Variants in RBPJ observed in about 807,000 individuals in gnomAD.
The protein encoded by RBPJ is recombining binding protein suppressor of hairless.
Under a neutral mutation model 67.8 loss-of-function variants are expected in RBPJ, and 9 were observed. The ratio of observed to expected loss-of-function variants is 0.13; its 90% CI spans 0.08 to 0.23. The LOEUF (loss-of-function observed/expected upper bound fraction) is 0.23. Among genes scored for constraint, RBPJ ranks in the 10% least tolerant of loss-of-function variants. RBPJ has a pLI of 1.00. For missense variants in RBPJ, 305 were observed against 595.6 expected (o/e 0.51, Z 5.08); for synonymous variants, 198 against 203.3 (o/e 0.97, Z 0.22).
At chr4:26,203,696 C>A (rs1310072550) in intron 1 of RBPJ, among the ~76,000 whole-genome samples, 1 of 152,206 alleles carries the variant, frequency 6.6e-6, no homozygotes, top group Non-Finnish European at 1.5e-5. Flanking sequence ...TAGCTGCCAG[C>A]AGACCCACCA....
At chr4:26,337,130 T>G (rs1724928764) in intron 1 of RBPJ, among the ~76,000 whole-genome samples, 1 of 141,916 alleles carries the variant, frequency 7.0e-6, no homozygotes, top group African/African-American at 2.6e-5. Context: ...CCCAGCTAAT[T>G]TTTTTTTTTT....
upstream of RBPJ, among the ~76,000 whole-genome samples, chr4:26,318,600 A>G (rs1336827501): frequency 6.6e-6 from 1 of 152,252 alleles, no homozygotes; most frequent in Non-Finnish European, 1.5e-5. Flanking sequence ...AAACGGGAGC[A>G]AGAATCTATA....
intron 1 of RBPJ, among the ~76,000 whole-genome samples, chr4:26,351,292 C>T (rs891090067): frequency 1.3e-5 from 2 of 152,082 alleles, no homozygotes; most frequent in African/African-American, 4.8e-5. Context: ...ATTAGGGAGT[C>T]CTGAAGGCAA....
upstream of RBPJ, among the ~76,000 whole-genome samples, chr4:26,315,119 TG>T (rs1722558079): frequency 8.8e-6 from 1 of 113,306 alleles, no homozygotes; most frequent in Non-Finnish European, 1.6e-5. Context: ...CACACCAGCC[TG>T]GGTGACAGAG....
intron 1 of RBPJ, among the ~76,000 whole-genome samples, chr4:26,276,926 G>A (rs1382966759): frequency 1.3e-5 from 2 of 152,000 alleles, no homozygotes; most frequent in East Asian, 3.9e-4. Context: ...ATTTATTCTG[G>A]CTAGATGATA....
At chr4:26,210,662 T>TTC (rs1718353698) in intron 1 of RBPJ, among the ~76,000 whole-genome samples, 1 of 30,010 alleles carries the variant, frequency 3.3e-5, no homozygotes, top group South Asian at 1.0e-3. Flanking sequence ...TTTCTTTCTT[T>TTC]TTTCTTTCTT....
intron 1 of RBPJ, among the ~76,000 whole-genome samples, chr4:26,205,311 GCA>G (rs1490137247): frequency 6.6e-6 from 1 of 152,182 alleles, no homozygotes; most frequent in Non-Finnish European, 1.5e-5. Flanking sequence ...CTCACCCTCT[GCA>G]CAGTGTAGAA....
At chr4:26,347,317 A>G (rs967840692) in intron 1 of RBPJ, among the ~76,000 whole-genome samples, 87 of 152,320 alleles carry the variant, frequency 5.7e-4, no homozygotes, top group African/African-American at 2.0e-3. Flanking sequence ...GGAGTGGGCA[A>G]TATCTCTTGG....
chr4:26,124,649 T>A, the RBPJ span, among the ~76,000 whole-genome samples: 1 of 151,824 alleles, frequency 6.6e-6, no homozygotes, highest in East Asian at 1.9e-4. Flanking sequence ...TCTAGTTCTT[T>A]AAGGAATCTC....
intron 1 of RBPJ, chr4:26,384,379 T>C (rs1730601674): frequency 6.6e-6 from 1 of 152,200 alleles, no homozygotes. Flanking sequence ...ATGAACAAAA[T>C]GAACTAAATG....
chr4:26,216,663 C>A (rs896859758), intron 1 of RBPJ, among the ~76,000 whole-genome samples: 1 of 151,962 alleles, frequency 6.6e-6, no homozygotes, highest in Non-Finnish European at 1.5e-5. Context: ...GCTTGTAATC[C>A]CAGCATTTTG....
rs535547805 is a variant in RBPJ at position 26,389,099 on chromosome 4, C to T, written c.59+2708C>T. ...AAAAAGTTAGCCAGGAGTTGTGGCA[C>T]GTGCCTGTAGTCCCAGCTTCTTGGG... On this transcript the variant is annotated intron_variant, in intron 2 of 10. Coordinates refer to ENST00000355476, the MANE Select transcript of RBPJ (RefSeq NM_015874.6). Among the ~76,000 whole-genome samples the T allele has an allele frequency of 7.3e-5, 11 of 151,698 alleles. 1 individual carries two copies. Among genetic ancestry groups the T allele is most frequent in the Admixed American group, 5.3e-4 (8 of 15,234 alleles).
At position 26,287,377 on chromosome 4, in the gene RBPJ, CA is replaced by C. The variant is rs924266732; in HGVS notation, c.-166-75062del. Among the ~76,000 whole-genome samples the C allele has an allele frequency of 1.1e-3, 172 of 150,858 alleles. 2 individuals carry two copies. The highest frequency in any genetic ancestry group is 2.2e-3 in the Non-Finnish European group (148 of 67,724). Reference sequence around the variant, plus strand: ...CAGCATAGCGAGACCCCATCTCTAGCAAAAAAAGTAAAAAATATAATAACAA... The same window carrying C: ...CAGCATAGCGAGACCCCATCTCTAGCAAAAAAGTAAAAAATATAATAACAA... On this transcript the variant is annotated intron_variant, in intron 1 of 4. Coordinates refer to the RBPJ transcript ENST00000512351.
chr4:26,257,073 T>G (rs1363391076), intron 1 of RBPJ, among the ~76,000 whole-genome samples: 2 of 152,244 alleles, frequency 1.3e-5, no homozygotes, highest in Non-Finnish European at 2.9e-5. Flanking sequence ...ATAGTATTCA[T>G]TGTTACGTTG....
intron 1 of RBPJ, among the ~76,000 whole-genome samples, chr4:26,271,490 G>A (rs529965935): frequency 6.6e-6 from 1 of 152,190 alleles, no homozygotes; most frequent in South Asian, 2.1e-4. Flanking sequence ...GGCAAAGTCT[G>A]TCTGGCTATG....
At chr4:26,109,267 A>AT in the RBPJ span, among the ~76,000 whole-genome samples, 1 of 150,648 alleles carries the variant, frequency 6.6e-6, no homozygotes, top group African/African-American at 2.4e-5. Flanking sequence ...CCACCATGTC[A>AT]GCTAATTTCT....
At chr4:26,107,395 G>A in the RBPJ span, among the ~76,000 whole-genome samples, 1 of 152,108 alleles carries the variant, frequency 6.6e-6, no homozygotes, top group African/African-American at 2.4e-5. Flanking sequence ...CCCTCCAGAA[G>A]AGCAGTGCCT....
At chr4:26,274,211 C>T (rs891284764) in intron 1 of RBPJ, among the ~76,000 whole-genome samples, 4 of 152,206 alleles carry the variant, frequency 2.6e-5, no homozygotes, top group East Asian at 3.8e-4. Flanking sequence ...CCCTGCATCC[C>T]GAGCACCCAC....
chr4:26,404,058 A>G (rs1461771650), intron 2 of RBPJ, among the ~76,000 whole-genome samples: 1 of 152,118 alleles, frequency 6.6e-6, no homozygotes, highest in Non-Finnish European at 1.5e-5. Context: ...CTATTTTAGT[A>G]ATAGCCATTC....
Sources: allele counts gnomAD v4.1 joint callset (sites outside exome capture counted in the v4.1 genomes callset), GRCh38; gene constraint gnomAD v4.1.1; transcripts MANE v1.5; gene names NCBI Gene and HGNC (gene_info 2026-07-23, HGNC 2026-07-21).